PTPRT: variants seen among roughly 807,000 people sequenced by gnomAD.
The protein encoded by PTPRT is protein tyrosine phosphatase receptor type T, also known as receptor-type tyrosine-protein phosphatase T.
In PTPRT, 56 loss-of-function variants were observed where a neutral mutation model predicts 176.8. The observed-to-expected ratio is 0.32, with a 90% CI of 0.26 to 0.40. The LOEUF (loss-of-function observed/expected upper bound fraction) is 0.40. Among genes scored for constraint, PTPRT ranks in the 10% least tolerant of loss-of-function variants. PTPRT has a pLI of 1.00. For missense variants in PTPRT, 1,540 were observed against 1,908.2 expected (o/e 0.81, Z 3.60); for synonymous variants, 783 against 739.0 (o/e 1.06, Z -0.96).
At chr20:42,736,991 A>C (rs1160438652) in intron 6 of PTPRT, among the ~76,000 whole-genome samples, 3 of 152,182 alleles carry the variant, frequency 2.0e-5, no homozygotes, top group African/African-American at 4.8e-5. Context: ...AGAATAACCC[A>C]AAAGGAGTTG....
intron 1 of PTPRT, among the ~76,000 whole-genome samples, chr20:42,918,948 T>C (rs1201673613): frequency 6.6e-6 from 1 of 152,174 alleles, no homozygotes; most frequent in Non-Finnish European, 1.5e-5. Flanking sequence ...TCTCAGCTCA[T>C]GCCGCACCAC....
chr20:42,859,916 T>C (rs1169969205), intron 2 of PTPRT, among the ~76,000 whole-genome samples: 1 of 152,122 alleles, frequency 6.6e-6, no homozygotes, highest in Non-Finnish European at 1.5e-5. Flanking sequence ...ATTTTCATGA[T>C]GTTTAGGTTC....
chr20:42,246,430 C>T (rs2056452319), intron 14 of PTPRT, among the ~76,000 whole-genome samples: 1 of 152,106 alleles, frequency 6.6e-6, no homozygotes, highest in Non-Finnish European at 1.5e-5. Context: ...CATGCAATGC[C>T]CAGGTTTTGC....
intron 1 of PTPRT, among the ~76,000 whole-genome samples, chr20:43,093,512 G>A (rs2011974092): frequency 6.6e-6 from 1 of 152,340 alleles, no homozygotes; most frequent in East Asian, 1.9e-4. Context: ...ATGAAGCCTT[G>A]TGAATGCACA....
chr20:43,064,945 G>A (rs974997715), intron 1 of PTPRT, among the ~76,000 whole-genome samples: 12 of 152,184 alleles, frequency 7.9e-5, no homozygotes, highest in Non-Finnish European at 1.2e-4. Context: ...GACCCCTCCT[G>A]TCTTTACATT....
At chr20:42,089,827 G>A (rs1163333450) in intron 27 of PTPRT, among the ~76,000 whole-genome samples, 1 of 152,134 alleles carries the variant, frequency 6.6e-6, no homozygotes, top group Admixed American at 6.6e-5. Context: ...GAGAAAGAAA[G>A]CAGGGGGGCC....
intron 21 of PTPRT, 63 bp downstream of exon 21, chr20:42,118,340 A>T (rs1047508153): frequency 1.0e-4 from 143 of 1,430,870 alleles, no homozygotes; most frequent in Non-Finnish European, 1.3e-4. Context: ...TGCATGGAAC[A>T]AAGAGATGTT....
intron 1 of PTPRT, among the ~76,000 whole-genome samples, chr20:43,106,290 CA>C (rs2012600477): frequency 6.6e-6 from 1 of 152,060 alleles, no homozygotes; most frequent in African/African-American, 2.4e-5. Flanking sequence ...CTTTTCAGTG[CA>C]AATGTTCAGT....
At chr20:42,401,946 T>A (rs1488698147) in intron 9 of PTPRT, among the ~76,000 whole-genome samples, 1 of 152,212 alleles carries the variant, frequency 6.6e-6, no homozygotes, top group African/African-American at 2.4e-5. Context: ...CTCTCTACCC[T>A]ACTGGTCACA....
At chr20:42,685,324 AATCATGACCTCT>A (rs1412658283) in intron 6 of PTPRT, 1 of 152,190 alleles carries the variant, frequency 6.6e-6, no homozygotes, top group East Asian at 1.9e-4. Flanking sequence ...GATGAATCAA[AATCATGACCTCT>A]AGCATAGGGG....
chr20:42,521,334 G>A (rs1003398557), intron 7 of PTPRT, among the ~76,000 whole-genome samples: 1 of 152,010 alleles, frequency 6.6e-6, no homozygotes, highest in African/African-American at 2.4e-5. Flanking sequence ...CAAGAATCCT[G>A]GTTCTCACGG....
chr20:42,082,891 A>G (rs955611531), intron 29 of PTPRT, among the ~76,000 whole-genome samples: 2 of 152,148 alleles, frequency 1.3e-5, no homozygotes, highest in Admixed American at 1.3e-4. Flanking sequence ...CACTCAGTCA[A>G]TCTCCCAGAT....
chr20:42,627,208 T>C lies in PTPRT; in HGVS notation c.1153+50658A>G, dbSNP rs187094802. Among the ~76,000 whole-genome samples the C allele has an allele frequency of 1.3e-4, 19 of 151,914 alleles. 1 individual carries two copies. The highest frequency in any genetic ancestry group is 4.6e-4 in the African/African-American group (19 of 41,298). On this transcript the variant is annotated intron_variant, in intron 7 of 30. Coordinates refer to ENST00000373187, the MANE Select transcript of PTPRT (RefSeq NM_007050.6). ...TCCATTTAATCATACTACCTAATCA[T>C]ATGTTTATCATGAAAAGTAGCACTA...
At chr20:42,406,761 T>G (rs1000116641) in intron 9 of PTPRT, among the ~76,000 whole-genome samples, 1 of 152,208 alleles carries the variant, frequency 6.6e-6, no homozygotes, top group Non-Finnish European at 1.5e-5. Context: ...AATCAATCAG[T>G]GCATCCAAAG....
rs567295298 is a variant in PTPRT, at chr20:42,344,522, C to T, written c.1865+6106G>A. Among the ~76,000 whole-genome samples, 8 of 152,282 alleles carry T rather than the reference C, an allele frequency of 5.3e-5. No homozygotes were observed. The South Asian group carries it at 1.0e-3, about 20-fold the overall frequency. On this transcript the variant is annotated intron_variant, in intron 11 of 30. Transcript: ENST00000373187. ...GCCACAGTCTAGCAGAGGCTGACAA[C>T]GCAAGGCACTGACAGAGGGATGACC...
intron 2 of PTPRT, among the ~76,000 whole-genome samples, chr20:42,862,172 T>C (rs1416890839): frequency 2.0e-5 from 3 of 152,310 alleles, no homozygotes; most frequent in Admixed American, 2.0e-4. Context: ...ACATCTCAGT[T>C]TGAACTGGCC....
intron 1 of PTPRT, among the ~76,000 whole-genome samples, chr20:42,992,471 C>A (rs565107286): frequency 1.3e-5 from 2 of 152,328 alleles, no homozygotes; most frequent in South Asian, 2.1e-4. Context: ...AGGAACCTAG[C>A]TGCCCTGCCT....
chr20:43,170,139 T>A (rs891418917), intron 1 of PTPRT, among the ~76,000 whole-genome samples: 7 of 151,652 alleles, frequency 4.6e-5, no homozygotes, highest in Non-Finnish European at 8.8e-5. Flanking sequence ...ACTCTTAAAT[T>A]AGGAATTTCC....
At chr20:43,157,420 G>C (rs2014555403) in intron 1 of PTPRT, among the ~76,000 whole-genome samples, 1 of 152,100 alleles carries the variant, frequency 6.6e-6, no homozygotes, top group Admixed American at 6.5e-5. Context: ...ACTGGGGATG[G>C]GAAGCAGAAA....
Sources: allele counts gnomAD v4.1 joint callset (sites outside exome capture counted in the v4.1 genomes callset), GRCh38; gene constraint gnomAD v4.1.1; transcripts MANE v1.5; gene names NCBI Gene and HGNC (gene_info 2026-07-23, HGNC 2026-07-21).